TMEM132D: variants seen among roughly 807,000 people sequenced by gnomAD.
The protein encoded by TMEM132D is transmembrane protein 132D, also known as mature OL transmembrane protein.
Under a neutral mutation model 62.3 loss-of-function variants are expected in TMEM132D, and 21 were observed. The ratio of observed to expected loss-of-function variants is 0.34; its 90% CI spans 0.24 to 0.49. TMEM132D has a LOEUF of 0.49. Ranked by LOEUF, TMEM132D falls within the 20% of genes least tolerant of loss-of-function variation. TMEM132D has a pLI of 0.99. For missense variants in TMEM132D, 1,346 were observed against 1,402.8 expected, an observed-to-expected ratio of 0.96 and a Z score of 0.65; for synonymous variants, 621 against 575.6, an observed-to-expected ratio of 1.08 and a Z score of -1.13.
At chr12:129,797,524 G>C (rs1307225700) in intron 1 of TMEM132D, among the ~76,000 whole-genome samples, 1 of 152,232 alleles carries the variant, frequency 6.6e-6, no homozygotes, top group Non-Finnish European at 1.5e-5. Context: ...ATCAGACCCA[G>C]AGTGGTGCTC....
At chr12:129,468,411 T>C (rs994676819) in intron 3 of TMEM132D, among the ~76,000 whole-genome samples, 1 of 152,310 alleles carries the variant, frequency 6.6e-6, no homozygotes, top group African/African-American at 2.4e-5. Context: ...ATTAGCATTC[T>C]GTATTGCAAA....
chr12:129,888,082 T>G (rs1874801776), intron 1 of TMEM132D, among the ~76,000 whole-genome samples: 1 of 152,230 alleles, frequency 6.6e-6, no homozygotes, highest in African/African-American at 2.4e-5. Flanking sequence ...GTTTTACTGA[T>G]CTCACATTTC....
rs570957775 is a variant in TMEM132D at position 129,878,723 on chromosome 12, C to A, written c.79+24538G>T. ...TCCCCAGTAGCTGGGATTACAGGCA[C>A]CTGCCCAGCTAATTTTTGTATTTTT... On this transcript the variant is annotated intron_variant, in intron 1 of 8. Coordinates refer to ENST00000422113, the MANE Select transcript of TMEM132D (RefSeq NM_133448.3). Among the ~76,000 whole-genome samples the A allele has an allele frequency of 3.9e-5, 6 of 152,236 alleles. No individual in the cohort carries two copies. In the East Asian group the frequency reaches 9.7e-4, roughly 25 times the overall value.
intron 5 of TMEM132D, among the ~76,000 whole-genome samples, chr12:129,094,600 C>T (rs1875037683): frequency 6.6e-6 from 1 of 152,186 alleles, no homozygotes; most frequent in South Asian, 2.1e-4. Context: ...TAAACTAGTT[C>T]AACCATTGTG....
At chr12:129,190,947 G>C in intron 5 of TMEM132D, among the ~76,000 whole-genome samples, 2 of 151,776 alleles carry the variant, frequency 1.3e-5, no homozygotes, top group Middle Eastern at 6.8e-3. Context: ...TGCTGCCTCC[G>C]CACAAAAGGT....
At chr12:129,535,358 G>A (rs976224804) in intron 2 of TMEM132D, among the ~76,000 whole-genome samples, 2 of 152,200 alleles carry the variant, frequency 1.3e-5, no homozygotes, top group African/African-American at 4.8e-5. Context: ...CTGGACAGCC[G>A]TATCCCCACT....
chr12:129,648,089 G>A (rs1324830398), intron 2 of TMEM132D, among the ~76,000 whole-genome samples: 1 of 152,094 alleles, frequency 6.6e-6, no homozygotes, highest in Admixed American at 6.6e-5. Flanking sequence ...ATAAATTACG[G>A]CTCAGGAGTC....
chr12:129,373,555 C>A (rs1478652256), intron 3 of TMEM132D, among the ~76,000 whole-genome samples: 1 of 152,066 alleles, frequency 6.6e-6, no homozygotes, highest in East Asian at 1.9e-4. Flanking sequence ...TGGCGTGAAC[C>A]CGGGAGGCGG....
chr12:129,744,837 T>C (rs1869725013), intron 1 of TMEM132D, among the ~76,000 whole-genome samples: 2 of 152,136 alleles, frequency 1.3e-5, no homozygotes, highest in Admixed American at 1.3e-4. Context: ...TAATATATAA[T>C]CCTACTGATA....
chr12:129,548,672 C>T (rs1176378802), intron 2 of TMEM132D, among the ~76,000 whole-genome samples: 3 of 151,828 alleles, frequency 2.0e-5, no homozygotes, highest in African/African-American at 7.3e-5. Flanking sequence ...TGACACATGC[C>T]TCTTCGGCTC....
Position 129,238,734 on chromosome 12 carries a change from G to A in TMEM132D, c.1300-29071C>T, listed in dbSNP as rs145367050. On this transcript the variant is annotated intron_variant, in intron 4 of 8. Transcript: ENST00000422113. ...TTGCTCATCCGTTCATCCACTGATG[G>A]ACATTTGGGTTGATTCTACCTCTTG... Among the ~76,000 whole-genome samples, 313 of 152,290 alleles carry A rather than the reference G, an allele frequency of 2.1e-3. 4 individuals carry two copies. Among genetic ancestry groups the A allele is most frequent in the African/African-American group, 7.0e-3 (289 of 41,562 alleles).
At chr12:129,634,363 G>A (rs1593098448) in intron 2 of TMEM132D, among the ~76,000 whole-genome samples, 1 of 151,574 alleles carries the variant, frequency 6.6e-6, no homozygotes, top group African/African-American at 2.4e-5. Flanking sequence ...GGTCCCAGCT[G>A]CTCGGGAGGC....
chr12:129,286,143 A>G (rs1387589684), intron 4 of TMEM132D, among the ~76,000 whole-genome samples: 1 of 152,218 alleles, frequency 6.6e-6, no homozygotes. Context: ...AGGAAGTTAA[A>G]CTAAAAATAA....
intron 5 of TMEM132D, among the ~76,000 whole-genome samples, chr12:129,130,724 G>A (rs1876351503): frequency 6.6e-6 from 1 of 152,112 alleles, no homozygotes. Flanking sequence ...GTGGTCAGGG[G>A]AGGCTTTGAA....
At chr12:129,529,373 G>A (rs1022719744) in intron 3 of TMEM132D, among the ~76,000 whole-genome samples, 3 of 152,240 alleles carry the variant, frequency 2.0e-5, no homozygotes, top group Non-Finnish European at 4.4e-5. Context: ...TGAATGTGCT[G>A]AGATTCTGGA....
At chr12:129,676,825 CATCT>C (rs1275830338) in intron 2 of TMEM132D, among the ~76,000 whole-genome samples, 4 of 152,042 alleles carry the variant, frequency 2.6e-5, no homozygotes, top group African/African-American at 9.7e-5. Flanking sequence ...CTATGTTTAT[CATCT>C]ATCTACCTAA....
intron 4 of TMEM132D, among the ~76,000 whole-genome samples, chr12:129,322,676 G>T (rs1868762314): frequency 6.6e-6 from 1 of 152,082 alleles, no homozygotes; most frequent in Admixed American, 6.5e-5. Context: ...TGTTACACTA[G>T]AAGGCTAAAT....
At chr12:129,347,671 C>T (rs557313278) in intron 3 of TMEM132D, among the ~76,000 whole-genome samples, 11 of 152,284 alleles carry the variant, frequency 7.2e-5, no homozygotes, top group Admixed American at 3.9e-4. Flanking sequence ...ATGACTAAAA[C>T]ACCAAAAGCA....
chr12:129,374,850 C>T (rs1233545840), intron 3 of TMEM132D, among the ~76,000 whole-genome samples: 4 of 152,210 alleles, frequency 2.6e-5, no homozygotes, highest in Non-Finnish European at 4.4e-5. Context: ...TTCGAACACA[C>T]TGGTGTAAAA....
Sources: allele counts gnomAD v4.1 joint callset (sites outside exome capture counted in the v4.1 genomes callset), GRCh38; gene constraint gnomAD v4.1.1; transcripts MANE v1.5; gene names NCBI Gene and HGNC (gene_info 2026-07-23, HGNC 2026-07-21).